UBE4B: variants seen among roughly 807,000 people sequenced by gnomAD.
UBE4B encodes the protein ubiquitination factor E4B.
A neutral mutation model predicts 148.1 loss-of-function variants in UBE4B; 27 were observed. That is an observed-to-expected ratio of 0.18 (90% confidence interval 0.13 to 0.25). UBE4B has a LOEUF of 0.25. Among genes scored for constraint, UBE4B ranks in the 10% least tolerant of loss-of-function variants. The probability of loss-of-function intolerance (pLI) is 1.00; values close to 1 mark genes in which losing one functional copy is unlikely to be tolerated. For missense variants in UBE4B, 1,170 were observed against 1,662.4 expected, an observed-to-expected ratio of 0.70 and a Z score of 5.15; for synonymous variants, 596 against 619.3, an observed-to-expected ratio of 0.96 and a Z score of 0.56.
intron 11 of UBE4B, chr1:10,128,794 C>T (rs1386920037): frequency 6.6e-6 from 1 of 152,316 alleles, no homozygotes; most frequent in African/African-American, 2.4e-5. Flanking sequence ...ATTGAGTTAC[C>T]ATGGGCATGC....
At position 10,033,714 on chromosome 1, in the gene UBE4B, C is replaced by A; in HGVS notation, c.24+20C>A. 5.8e-6 allele frequency: 9 copies of A among 1,551,178 alleles called. No homozygotes were observed. The highest frequency in any genetic ancestry group is 1.2e-5 in the South Asian group (1 of 83,442). On this transcript the variant is annotated intron_variant, in intron 1 of 27. Transcript: ENST00000343090. Reference sequence around the variant, plus strand: ...GATGAGGTGAGGAGGTTGGGGGACACCTTGAGGGATTAGTTGGCAACTCGT... The same window carrying A: ...GATGAGGTGAGGAGGTTGGGGGACAACTTGAGGGATTAGTTGGCAACTCGT...
At chr1:10,073,258 A>G (rs1443432260) in intron 2 of UBE4B, 1 of 152,228 alleles carries the variant, frequency 6.6e-6, no homozygotes, top group Non-Finnish European at 1.5e-5. Flanking sequence ...CATACCTGGA[A>G]TGCTGGAATC....
At chr1:10,138,020 T>C (rs1029318391) in intron 17 of UBE4B, among the ~76,000 whole-genome samples, 14 of 134,024 alleles carry the variant, frequency 1.0e-4, no homozygotes, top group Non-Finnish European at 6.2e-5. Flanking sequence ...GTGCAACCTC[T>C]GCCTCCCAGG....
Position 10,161,765 on chromosome 1 carries a change from C to T in UBE4B, c.3198+479C>T, listed in dbSNP as rs1000704244. On this transcript the variant is annotated intron_variant, in intron 23 of 27. Transcript: ENST00000343090. The surrounding 1 kb of genome is among the most constrained non-coding windows in gnomAD (Gnocchi z 4.1). ...ATTAATAGAAAAGAGGCCTGGCTTG[C>T]CAGGTTCCATGGAAAGCACGTGCCG... is the stretch of plus-strand genomic sequence containing the variant. 3.3e-5 allele frequency among the ~76,000 whole-genome samples: 5 copies of T among 152,134 alleles called. No homozygotes were observed. Among genetic ancestry groups the T allele is most frequent in the African/African-American group, 1.2e-4 (5 of 41,432 alleles).
chr1:10,142,277 G>A (rs186017611), intron 17 of UBE4B, among the ~76,000 whole-genome samples: 51 of 152,156 alleles, frequency 3.4e-4, no homozygotes, highest in Non-Finnish European at 4.9e-4. Flanking sequence ...TGTGATACCC[G>A]TAGCCATATA....
intron 10 of UBE4B, 37 bp from the exon 11 acceptor site, chr1:10,126,757 T>G: frequency 1.3e-6 from 2 of 1,551,478 alleles, no homozygotes; most frequent in Admixed American, 3.4e-5. Context: ...TAGATTCTCT[T>G]AAACTTATAT....
chr1:10,142,522 T>G (rs537912427), intron 17 of UBE4B, among the ~76,000 whole-genome samples: 2 of 151,590 alleles, frequency 1.3e-5, no homozygotes, highest in East Asian at 3.9e-4. Flanking sequence ...AATACAAAAA[T>G]TAGCCGGTCA....
intron 2 of UBE4B, among the ~76,000 whole-genome samples, chr1:10,074,734 T>A (rs937459047): frequency 1.3e-5 from 2 of 152,248 alleles, no homozygotes; most frequent in African/African-American, 4.8e-5. Flanking sequence ...ACTCTTTGCC[T>A]GGTTCCTTTT....
intron 1 of UBE4B, among the ~76,000 whole-genome samples, chr1:10,041,254 G>T (rs1557504227): frequency 6.6e-6 from 1 of 151,924 alleles, no homozygotes; most frequent in South Asian, 2.1e-4. Context: ...TCTAATCCAG[G>T]TTCTGACTCC....
chr1:10,056,048 C>T (rs142380751), intron 1 of UBE4B, among the ~76,000 whole-genome samples: 4 of 152,190 alleles, frequency 2.6e-5, no homozygotes, highest in African/African-American at 9.7e-5. Flanking sequence ...CCACTTCTAT[C>T]CCCTGGGATG....
intron 21 of UBE4B, among the ~76,000 whole-genome samples, chr1:10,156,376 A>G (rs1167058039): frequency 6.6e-6 from 1 of 151,542 alleles, no homozygotes; most frequent in Non-Finnish European, 1.5e-5. Flanking sequence ...TGTAGCTGGG[A>G]CTGCAGGCAT....
chr1:10,142,188 A>G lies in UBE4B; in HGVS notation c.2364-2752A>G, dbSNP rs934665664. On this transcript the variant is annotated intron_variant, in intron 17 of 27. Transcript: ENST00000343090. Reference sequence around the variant, plus strand: ...TGTTCCATCCTCAAATACTAATTGTATCTTCACCATGCAGCCCAATCAAAG... The same window carrying G: ...TGTTCCATCCTCAAATACTAATTGTGTCTTCACCATGCAGCCCAATCAAAG... Among the ~76,000 whole-genome samples the G allele has an allele frequency of 2.0e-5, 3 of 152,142 alleles. No individual in the cohort carries two copies. The East Asian group carries it at 5.8e-4, about 29-fold the overall frequency.
intron 1 of UBE4B, among the ~76,000 whole-genome samples, chr1:10,048,441 G>A (rs1041471792): frequency 6.6e-6 from 1 of 152,126 alleles, no homozygotes; most frequent in Non-Finnish European, 1.5e-5. Flanking sequence ...AGAATGGACA[G>A]ATTTTACCTA....
At chr1:10,061,428 A>T (rs1212908498) in intron 1 of UBE4B, among the ~76,000 whole-genome samples, 6 of 151,820 alleles carry the variant, frequency 4.0e-5, no homozygotes, top group African/African-American at 1.5e-4. Context: ...CTAATCTTTT[A>T]TATTTTTTAT....
At chr1:10,128,374 T>C (rs1645536728) in intron 11 of UBE4B, 1 of 152,204 alleles carries the variant, frequency 6.6e-6, no homozygotes, top group South Asian at 2.1e-4. Flanking sequence ...GGTACAATAA[T>C]GAGAGGCAGG....
intron 1 of UBE4B, 27 bp downstream of exon 1, chr1:10,033,721 G>T (rs747646966): frequency 1.3e-6 from 2 of 1,544,504 alleles, no homozygotes; most frequent in South Asian, 2.4e-5. Flanking sequence ...ACACCTTGAG[G>T]GATTAGTTGG....
At chr1:10,091,193 A>G (rs1359218808) in intron 2 of UBE4B, among the ~76,000 whole-genome samples, 1 of 152,104 alleles carries the variant, frequency 6.6e-6, no homozygotes, top group Non-Finnish European at 1.5e-5. Flanking sequence ...GATTATGTTC[A>G]TTTTTTAATT....
chr1:10,037,408 A>G (rs973683185), intron 1 of UBE4B, among the ~76,000 whole-genome samples: 5 of 152,152 alleles, frequency 3.3e-5, no homozygotes, highest in South Asian at 4.1e-4. Flanking sequence ...TCATTGCCCT[A>G]TAGTTCACTG....
chr1:10,137,229 T>C, intron 17 of UBE4B, 24 bp downstream of exon 17: 2 of 1,612,664 alleles, frequency 1.2e-6, no homozygotes, highest in African/African-American at 1.3e-5. Context: ...TACCGTGTCC[T>C]GGGATTGCCT....
Sources: gnomAD v4.1 joint callset for allele counts (sites outside exome capture counted in the v4.1 genomes callset) on GRCh38, gnomAD v4.1.1 for gene constraint, Gnocchi (gnomAD v3.1) non-coding constraint, MANE v1.5 for transcripts, NCBI Gene and HGNC (gene_info 2026-07-23, HGNC 2026-07-21) for gene names.